TNNI3K: variants seen among roughly 807,000 people sequenced by gnomAD.
TNNI3K encodes TNNI3 interacting kinase.
A neutral mutation model predicts 114.5 loss-of-function variants in TNNI3K; 140 were observed. That is an observed-to-expected ratio of 1.22 (90% CI 1.07 to 1.41). The LOEUF (loss-of-function observed/expected upper bound fraction) is 1.41, where lower values mean the gene tolerates loss of function less well. TNNI3K is among the 40% of genes most tolerant of loss of function. The pLI is 0.00. For missense variants in TNNI3K, 1,125 were observed against 1,007.6 expected (o/e 1.12, Z -1.58); for synonymous variants, 347 against 347.5 (o/e 1.00, Z 0.02).
intron 4 of TNNI3K, among the ~76,000 whole-genome samples, chr1:74,264,247 T>G (rs1176951994): frequency 6.6e-6 from 1 of 151,536 alleles, no homozygotes; most frequent in African/African-American, 2.4e-5. Context: ...TTTGTGAAAA[T>G]AAATCCAGAA....
chr1:74,539,060 G>C (rs375238477), intron 23 of TNNI3K, among the ~76,000 whole-genome samples: 1 of 152,172 alleles, frequency 6.6e-6, no homozygotes, highest in Admixed American at 6.6e-5. Context: ...ACTATATAGA[G>C]ACAGAAGTGA....
intron 21 of TNNI3K, among the ~76,000 whole-genome samples, chr1:74,477,651 T>A (rs977818804): frequency 6.6e-6 from 1 of 152,212 alleles, no homozygotes; most frequent in Non-Finnish European, 1.5e-5. Context: ...TGTGTCTGAA[T>A]GGCAGGGACC....
intron 23 of TNNI3K, among the ~76,000 whole-genome samples, chr1:74,523,352 T>C (rs986170371): frequency 6.6e-6 from 1 of 152,228 alleles, no homozygotes; most frequent in African/African-American, 2.4e-5. Flanking sequence ...TTTGTGTTTT[T>C]CTATACACAT....
chr1:74,513,732 T>G (rs1646302973), intron 23 of TNNI3K, among the ~76,000 whole-genome samples: 1 of 152,196 alleles, frequency 6.6e-6, no homozygotes, highest in Admixed American at 6.5e-5. Context: ...AGAGAAATAT[T>G]TTTTGGAAAG....
intron 17 of TNNI3K, chr1:74,372,250 T>C (rs1039403943): frequency 6.6e-6 from 1 of 151,856 alleles, no homozygotes; most frequent in East Asian, 1.9e-4. Flanking sequence ...AAAATACCTT[T>C]ACACTATTGC....
chr1:74,535,723 A>G (rs946551795), intron 23 of TNNI3K, among the ~76,000 whole-genome samples: 5 of 152,168 alleles, frequency 3.3e-5, no homozygotes, highest in African/African-American at 4.8e-5. Context: ...GTTGATGTCT[A>G]AGGTTCAACT....
chr1:74,276,064 G>A (rs973420697), intron 5 of TNNI3K, among the ~76,000 whole-genome samples: 8 of 152,036 alleles, frequency 5.3e-5, no homozygotes, highest in East Asian at 1.9e-4. Context: ...ATTCTAGTGC[G>A]ATTACATGAT....
At chr1:74,531,334 A>T (rs987236589) in intron 23 of TNNI3K, among the ~76,000 whole-genome samples, 1 of 152,248 alleles carries the variant, frequency 6.6e-6, no homozygotes, top group Non-Finnish European at 1.5e-5. Context: ...ATAAATAAAC[A>T]TATTGAACTT....
intron 21 of TNNI3K, among the ~76,000 whole-genome samples, chr1:74,486,491 T>C (rs1668771678): frequency 8.5e-6 from 1 of 117,116 alleles, no homozygotes; most frequent in South Asian, 2.6e-4. Context: ...TTTTTGTGTG[T>C]GTTTTTTGTT....
At chr1:74,435,957 G>C (rs1179480520) in intron 17 of TNNI3K, 123 bp from the exon 18 acceptor site, 1 of 1,268,570 alleles carries the variant, frequency 7.9e-7, no homozygotes, top group Non-Finnish European at 1.1e-6. Context: ...TAGCCCTTTG[G>C]GGCCCATTTA....
At chr1:74,421,688 G>A (rs1248024002) in intron 17 of TNNI3K, among the ~76,000 whole-genome samples, 2 of 152,000 alleles carry the variant, frequency 1.3e-5, no homozygotes, top group Admixed American at 6.6e-5. Flanking sequence ...TGATTGCTAA[G>A]GATAAGAGGA....
chr1:74,482,122 T>C (rs1668536058), intron 21 of TNNI3K, among the ~76,000 whole-genome samples: 1 of 152,290 alleles, frequency 6.6e-6, no homozygotes, highest in Admixed American at 6.5e-5. Context: ...CTCATCATTG[T>C]TTTAGATATG....
At chr1:74,282,342 A>G (rs1043284327) in intron 5 of TNNI3K, among the ~76,000 whole-genome samples, 5 of 152,132 alleles carry the variant, frequency 3.3e-5, no homozygotes, top group African/African-American at 1.2e-4. Flanking sequence ...TCAGGGCAAT[A>G]GAAGTTCATT....
intron 17 of TNNI3K, chr1:74,377,166 A>G (rs1344090563): frequency 6.6e-6 from 1 of 152,104 alleles, no homozygotes; most frequent in Non-Finnish European, 1.5e-5. Flanking sequence ...GTATAACTTC[A>G]TTCTTCTCTG....
intron 17 of TNNI3K, among the ~76,000 whole-genome samples, chr1:74,402,553 G>A (rs1664419750): frequency 6.6e-6 from 1 of 152,164 alleles, no homozygotes; most frequent in African/African-American, 2.4e-5. Context: ...GATTAGACTT[G>A]CCTATTTTTA....
rs1398072748 is a variant in TNNI3K at position 74,250,785 on chromosome 1, T to A, written c.333+16T>A. ...AGTTTACAAGGTAGGACACTTTAAT[T>A]CCCATAAACACTGCATTGGAACTAA... On this transcript the variant is annotated intron_variant, in intron 4 of 24. Transcript: ENST00000326637. 1 of 1,583,068 alleles carries A rather than the reference T, an allele frequency of 6.3e-7. No individual in the cohort carries two copies. The highest frequency in any genetic ancestry group is 2.3e-5 in the East Asian group (1 of 43,464).
chr1:74,245,584 A>G (rs994911012), intron 2 of TNNI3K, among the ~76,000 whole-genome samples: 3 of 152,226 alleles, frequency 2.0e-5, no homozygotes, highest in Non-Finnish European at 2.9e-5. Flanking sequence ...AAAGTTTCAT[A>G]TCACTTGTAA....
At position 74,236,172 on chromosome 1, in the gene TNNI3K, C is replaced by A; in HGVS notation, c.111C>A (p.Ile37=). ...AAAGATTAGAAGATGACCTGCAGAT[C>A]AAGGAAAAAGAACTGACAGAACTAA... ...TIERLEDDLQ[I]KEKELTELRN... is the part of the protein sequence containing the mutation. The change falls in exon 2 of 25, where the codon ATC becomes ATA. Residue 37 remains isoleucine, a synonymous_variant. Transcript: ENST00000326637. 3 of 1,607,310 alleles carry A rather than the reference C, an allele frequency of 1.9e-6. No homozygotes were observed. The South Asian group carries it at 3.3e-5, about 18-fold the overall frequency.
Position 74,476,600 on chromosome 1 carries a change from TTC to T in TNNI3K, c.2122-12587_2122-12586del, listed in dbSNP as rs1255405011. Among the ~76,000 whole-genome samples, 6 of 152,108 alleles carry T rather than the reference TTC, an allele frequency of 3.9e-5. No individual in the cohort carries two copies. In the East Asian group the frequency reaches 1.2e-3, roughly 29 times the overall value. On this transcript the variant is annotated intron_variant, in intron 21 of 24. Transcript: ENST00000326637. ...AATATTCTTAAATCAACAGAAGGGA[TTC>T]TGTTTATGAATTCTGATAATGAAAT...
Sources: allele counts gnomAD v4.1 joint callset (sites outside exome capture counted in the v4.1 genomes callset), GRCh38; gene constraint gnomAD v4.1.1; transcripts MANE v1.5; gene names NCBI Gene and HGNC (gene_info 2026-07-23, HGNC 2026-07-21).